Variants in API5 observed in about 807,000 individuals in gnomAD.
The protein encoded by API5 is apoptosis inhibitor 5, also known as FIF.
In API5, 6 loss-of-function variants were observed where a neutral mutation model predicts 71.9. The observed-to-expected ratio is 0.08, with a 90% CI of 0.05 to 0.16. API5 has a LOEUF of 0.16. API5 is among the 10% of genes least tolerant of loss of function. The probability of loss-of-function intolerance (pLI) is 1.00; values close to 1 mark genes in which losing one functional copy is unlikely to be tolerated. For missense variants in API5, 332 were observed against 612.8 expected (o/e 0.54, Z 4.84); for synonymous variants, 189 against 221.3 (o/e 0.85, Z 1.30).
intron 13 of API5, among the ~76,000 whole-genome samples, chr11:43,338,040 A>G (rs1309351644): frequency 6.6e-6 from 1 of 152,236 alleles, no homozygotes; most frequent in African/African-American, 2.4e-5. Flanking sequence ...CACGAGTCAC[A>G]ACTTCAGTTA....
chr11:43,329,820 A>C (rs957261614), intron 9 of API5, 145 bp from the exon 10 acceptor site: 1 of 645,196 alleles, frequency 1.5e-6, no homozygotes, highest in African/African-American at 1.8e-5. Flanking sequence ...CTTAATCAGA[A>C]ACAAGCAACT....
intron 1 of API5, 139 bp from the exon 2 acceptor site, chr11:43,318,501 A>G: frequency 2.6e-6 from 4 of 1,540,598 alleles, no homozygotes; most frequent in Non-Finnish European, 3.5e-6. Context: ...CAGTTTGAGC[A>G]GTAAACCTCC....
intron 5 of API5, 78 bp from the exon 6 acceptor site, chr11:43,323,352 T>C: frequency 7.9e-7 from 1 of 1,263,150 alleles, no homozygotes; most frequent in East Asian, 2.4e-5. Flanking sequence ...CTGAAATAAA[T>C]TAGCTATTCT....
At position 43,320,955 on chromosome 11, in the gene API5, C is replaced by T. The variant is rs778360706; in HGVS notation, c.325+41C>T. 7 of 1,501,450 alleles carry T rather than the reference C, an allele frequency of 4.7e-6. No homozygotes were observed. The Admixed American group carries it at 1.0e-4, about 22-fold the overall frequency. The allele number at this position is 1,501,450 out of a possible 1,614,324, so 93.0% of individuals were successfully genotyped here. A position where few individuals can be genotyped will look rare whatever the true frequency, so the allele number is the denominator to read the frequency against. ...ATTACCTTTTTCTCTAAATATATATCTTCTTTCTGAAATGTTGACTCTGTT... is the reference window on the plus strand; with the variant it reads ...ATTACCTTTTTCTCTAAATATATATTTTCTTTCTGAAATGTTGACTCTGTT... On this transcript the variant is annotated intron_variant, in intron 3 of 13. Coordinates refer to ENST00000531273, the MANE Select transcript of API5 (RefSeq NM_001142930.2).
At chr11:43,318,483 G>GTCT in intron 1 of API5, 157 bp from the exon 2 acceptor site, 2 of 1,537,220 alleles carry the variant, frequency 1.3e-6, no homozygotes, top group Non-Finnish European at 1.7e-6. Context: ...AATTGGGAAG[G>GTCT]TAAGTGTCAG....
intron 5 of API5, 32 bp downstream of exon 5, chr11:43,322,168 T>A: frequency 6.4e-7 from 1 of 1,566,744 alleles, no homozygotes; most frequent in South Asian, 1.2e-5. Context: ...GTGGAAATTC[T>A]CTAAAGCAAA....
chr11:43,339,646 C>T (rs1351197366), intron 13 of API5, among the ~76,000 whole-genome samples: 1 of 152,004 alleles, frequency 6.6e-6, no homozygotes, highest in African/African-American at 2.4e-5. Flanking sequence ...CACTCAGACG[C>T]ACATACACAC....
chr11:43,325,125 G>A (rs557305340), intron 6 of API5, among the ~76,000 whole-genome samples: 1 of 151,668 alleles, frequency 6.6e-6, no homozygotes, highest in Non-Finnish European at 1.5e-5. Flanking sequence ...AAAAAACTAC[G>A]CATGGATTAC....
rs1854909157 is a variant in API5, at chr11:43,322,018, A to G, written c.425A>G (p.Gln142Arg). Residue 142 changes from glutamine to arginine, a missense_variant, in exon 5 of 14, where the codon CAA becomes CGA. Coordinates refer to ENST00000531273, the MANE Select transcript of API5 (RefSeq NM_001142930.2). ...TLGGLFSQIL[Q>R]GEDIVRERAI... ...GGTGGGTTGTTCAGCCAAATACTTC[A>G]AGGAGAGGACATTGTTAGAGAACGA... 6.2e-7 allele frequency: 1 copy of G among 1,613,110 alleles called. No individual in the cohort carries two copies. Among genetic ancestry groups the G allele is most frequent in the Non-Finnish European group, 8.5e-7 (1 of 1,179,762 alleles).
chr11:43,330,441 T>C, intron 10 of API5, 67 bp from the exon 11 acceptor site: 1 of 1,130,466 alleles, frequency 8.8e-7, no homozygotes, highest in South Asian at 1.2e-5. Flanking sequence ...TCTAGTTCTA[T>C]GACAGAATGG....
chr11:43,320,535 G>A (rs1854841990), intron 2 of API5, among the ~76,000 whole-genome samples: 2 of 151,982 alleles, frequency 1.3e-5, no homozygotes, highest in African/African-American at 4.8e-5. Context: ...CTTGAGCCCA[G>A]TAGTTCGAGA....
chr11:43,342,284 A>T (rs922433780), intron 13 of API5, 144 bp from the exon 14 acceptor site: 16 of 668,578 alleles, frequency 2.4e-5, no homozygotes, highest in Non-Finnish European at 4.0e-5. Context: ...TGTACAGGCT[A>T]AATTTGTAGA....
chr11:43,326,485 AT>A, intron 6 of API5, 21 bp from the exon 7 acceptor site: 1 of 1,481,808 alleles, frequency 6.7e-7, no homozygotes, highest in Non-Finnish European at 9.4e-7. Context: ...TCGACAATGC[AT>A]TTTCTTTGGA....
intron 1 of API5, among the ~76,000 whole-genome samples, chr11:43,314,272 G>T (rs1251979583): frequency 6.6e-6 from 1 of 152,104 alleles, no homozygotes; most frequent in South Asian, 2.1e-4. Flanking sequence ...ATCAGTAGGG[G>T]GATAGGGTGA....
chr11:43,337,098 A>G (rs1357499885), intron 13 of API5, among the ~76,000 whole-genome samples: 1 of 151,100 alleles, frequency 6.6e-6, no homozygotes, highest in Admixed American at 6.6e-5. Context: ...CCGAGGTGGG[A>G]GGATCACTTG....
At chr11:43,336,219 T>TA (rs1435978499) in intron 13 of API5, 1 of 477,730 alleles carries the variant, frequency 2.1e-6, no homozygotes, top group Non-Finnish European at 3.5e-6. Context: ...AGTAAGCACT[T>TA]AAAGAAAAAT....
At chr11:43,331,773 AT>A (rs1439973722) in intron 11 of API5, among the ~76,000 whole-genome samples, 9 of 152,226 alleles carry the variant, frequency 5.9e-5, no homozygotes, top group Admixed American at 5.9e-4. Context: ...AGCAGCAGTG[AT>A]TAGATGTTGA....
chr11:43,333,187 A>G (rs544192595), intron 11 of API5, among the ~76,000 whole-genome samples: 1 of 152,308 alleles, frequency 6.6e-6, no homozygotes, highest in South Asian at 2.1e-4. Flanking sequence ...ACCCCCATGG[A>G]TACCAAAACC....
At chr11:43,340,786 C>T (rs1268312968) in intron 13 of API5, among the ~76,000 whole-genome samples, 3 of 151,792 alleles carry the variant, frequency 2.0e-5, no homozygotes. Flanking sequence ...TGTACAAAAA[C>T]CAACTCAAAA....
Sources: allele counts gnomAD v4.1 joint callset (sites outside exome capture counted in the v4.1 genomes callset), GRCh38; gene constraint gnomAD v4.1.1; transcripts MANE v1.5; gene names NCBI Gene and HGNC (gene_info 2026-07-23, HGNC 2026-07-21).